The following DOCK2 variants were observed in gnomAD, a reference collection of about 807,000 sequenced individuals.
DOCK2 encodes the protein dedicator of cytokinesis protein 2.
A neutral mutation model predicts 248.9 loss-of-function variants in DOCK2; 87 were observed. The ratio of observed to expected loss-of-function variants is 0.35; its 90% CI spans 0.29 to 0.42. DOCK2 has a LOEUF of 0.42. Among genes scored for constraint, DOCK2 ranks in the 10% least tolerant of loss-of-function variants. The probability of loss-of-function intolerance (pLI) is 1.00; values close to 1 mark genes in which losing one functional copy is unlikely to be tolerated. For synonymous variants in DOCK2, 805 were observed against 821.6 expected, an observed-to-expected ratio of 0.98 and a Z score of 0.35; for missense variants, 1,747 against 2,300.2, an observed-to-expected ratio of 0.76 and a Z score of 4.92.
chr5:170,080,581 G>A, intron 50 of DOCK2: 1 of 373,358 alleles, frequency 2.7e-6, no homozygotes, highest in South Asian at 4.5e-5. Flanking sequence ...TTCTCAGTTA[G>A]CCAGGCCTCC....
chr5:169,736,046 A>T (rs1384202451), intron 22 of DOCK2, among the ~76,000 whole-genome samples: 2 of 152,044 alleles, frequency 1.3e-5, no homozygotes, highest in African/African-American at 4.8e-5. Context: ...ATGAGAACTC[A>T]CTCACTGTCA....
intron 27 of DOCK2, among the ~76,000 whole-genome samples, chr5:169,977,615 C>T (rs1484367564): frequency 6.6e-6 from 1 of 152,206 alleles, no homozygotes; most frequent in Non-Finnish European, 1.5e-5. Context: ...CTCAGGCTTT[C>T]TGGCTCCTAA....
intron 13 of DOCK2, among the ~76,000 whole-genome samples, chr5:169,700,476 C>A (rs1760901536): frequency 6.6e-6 from 1 of 151,666 alleles, no homozygotes; most frequent in African/African-American, 2.4e-5. Flanking sequence ...TTTATACATG[C>A]AGAACAGTTG....
intron 23 of DOCK2, among the ~76,000 whole-genome samples, chr5:169,754,690 G>A (rs1028456105): frequency 6.6e-6 from 1 of 152,112 alleles, no homozygotes; most frequent in Non-Finnish European, 1.5e-5. Context: ...AGTAGTGGAC[G>A]TACTGGATAA....
chr5:169,793,887 T>C (rs1766493915), intron 25 of DOCK2, among the ~76,000 whole-genome samples: 1 of 152,164 alleles, frequency 6.6e-6, no homozygotes, highest in Non-Finnish European at 1.5e-5. Context: ...AATCAGTGCA[T>C]GCAGCTGCCT....
intron 27 of DOCK2, among the ~76,000 whole-genome samples, chr5:169,954,030 C>T: frequency 6.6e-6 from 1 of 152,318 alleles, no homozygotes; most frequent in African/African-American, 2.4e-5. Context: ...TACTCTGGTT[C>T]TAGAGCAATC....
intron 6 of DOCK2, among the ~76,000 whole-genome samples, chr5:169,675,059 C>T (rs1056806030): frequency 1.2e-4 from 19 of 152,344 alleles, no homozygotes; most frequent in African/African-American, 4.1e-4. Context: ...GGCATTGTCT[C>T]ATTTAATTCT....
Position 169,654,473 on chromosome 5 carries a change from G to A in DOCK2, c.114G>A (p.Gln38=). 1.2e-6 allele frequency: 2 copies of A among 1,614,168 alleles called. No homozygotes were observed. The highest frequency in any genetic ancestry group is 1.1e-5 in the South Asian group (1 of 91,086). Residue 38 remains glutamine, a synonymous_variant, in exon 2 of 52, where the codon CAG becomes CAA. Transcript: ENST00000520908. The stretch of plus-strand genomic sequence containing the variant: ...AGATCGGCGATGTGGTGCGAATACA[G>A]GAGACGTGTGGAGGTGAGTCACTGG... The part of the protein sequence containing the change: ...SLQIGDVVRI[Q]ETCGDWYRGY...
Position 169,942,817 on chromosome 5 carries a change from C to A in DOCK2, c.2800-40251C>A, listed in dbSNP as rs1012724680. ...CAGGAACCTCAGTCTTTGTTGCTTCCAAGGCTTGGTCTGAACTCTTCCTTT... is the reference window on the plus strand; with the variant it reads ...CAGGAACCTCAGTCTTTGTTGCTTCAAAGGCTTGGTCTGAACTCTTCCTTT... On this transcript the variant is annotated intron_variant, in intron 27 of 51. Transcript: ENST00000520908. Among the ~76,000 whole-genome samples the A allele has an allele frequency of 2.0e-5, 3 of 152,202 alleles. No homozygotes were observed. The East Asian group carries it at 5.8e-4, about 29-fold the overall frequency.
At chr5:169,967,052 G>A (rs560301079) in intron 27 of DOCK2, among the ~76,000 whole-genome samples, 1 of 152,330 alleles carries the variant, frequency 6.6e-6, no homozygotes, top group East Asian at 1.9e-4. Context: ...CCTCCTATGT[G>A]CCAGGCACTG....
intron 32 of DOCK2, among the ~76,000 whole-genome samples, chr5:170,013,669 AT>A (rs1213036964): frequency 9.2e-5 from 14 of 152,232 alleles, no homozygotes; most frequent in South Asian, 8.3e-4. Flanking sequence ...CCAGACCTTG[AT>A]TTAGCTCCAT....
chr5:169,854,133 T>C (rs1179790433), intron 27 of DOCK2, among the ~76,000 whole-genome samples: 1 of 151,686 alleles, frequency 6.6e-6, no homozygotes, highest in African/African-American at 2.4e-5. Flanking sequence ...AAAAACAACT[T>C]TGACACTATT....
intron 24 of DOCK2, 75 bp downstream of exon 24, chr5:169,759,850 G>A (rs748205683): frequency 2.6e-6 from 4 of 1,553,814 alleles, no homozygotes; most frequent in Admixed American, 3.4e-5. Flanking sequence ...GGCTCTTATG[G>A]GGAGCTCCAG....
intron 27 of DOCK2, among the ~76,000 whole-genome samples, chr5:169,928,960 G>T (rs376168690): frequency 6.6e-6 from 1 of 152,192 alleles, no homozygotes; most frequent in South Asian, 2.1e-4. Flanking sequence ...AGCTTGCTTT[G>T]AGATAGACTA....
Position 170,050,236 on chromosome 5 carries a change from T to C in DOCK2, c.4072-20T>C. 6.2e-7 allele frequency: 1 copy of C among 1,612,396 alleles called. No individual in the cohort carries two copies. The highest frequency in any genetic ancestry group is 8.5e-7 in the Non-Finnish European group (1 of 1,179,052). On this transcript the variant is annotated intron_variant, in intron 40 of 51. Coordinates refer to ENST00000520908, the MANE Select transcript of DOCK2 (RefSeq NM_004946.3). Reference sequence around the variant, plus strand: ...CACACCTGGGTCCCCAAATCTCTAATGAGCATCCTTTCTCTGCAGAACAAA... The same window carrying C: ...CACACCTGGGTCCCCAAATCTCTAACGAGCATCCTTTCTCTGCAGAACAAA...
chr5:170,019,524 A>G (rs963704465), intron 33 of DOCK2, among the ~76,000 whole-genome samples: 2 of 152,084 alleles, frequency 1.3e-5, no homozygotes, highest in Admixed American at 6.5e-5. Flanking sequence ...TGGGTGTCAC[A>G]CTTGTCCACA....
chr5:170,034,602 G>A (rs373545462), intron 35 of DOCK2, 47 bp downstream of exon 35: 33 of 1,604,974 alleles, frequency 2.1e-5, no homozygotes, highest in Non-Finnish European at 2.6e-5. Context: ...CCTGTGGGGG[G>A]GCTTGGGCTT....
intron 27 of DOCK2, among the ~76,000 whole-genome samples, chr5:169,979,471 A>G (rs773304354): frequency 3.9e-5 from 6 of 152,222 alleles, no homozygotes; most frequent in Non-Finnish European, 7.3e-5. Flanking sequence ...CTGTATGACA[A>G]AAGAGGTGGT....
At chr5:169,876,237 C>T (rs1281741541) in intron 27 of DOCK2, among the ~76,000 whole-genome samples, 3 of 152,224 alleles carry the variant, frequency 2.0e-5, no homozygotes, top group African/African-American at 7.2e-5. Context: ...TGAAGTCCTT[C>T]ACTTCATTTC....
Sources: allele counts gnomAD v4.1 joint callset (sites outside exome capture counted in the v4.1 genomes callset), GRCh38; gene constraint gnomAD v4.1.1; transcripts MANE v1.5; gene names NCBI Gene and HGNC (gene_info 2026-07-23, HGNC 2026-07-21).